Variants in ZFAT observed in about 807,000 individuals in gnomAD.
The protein encoded by ZFAT is zinc finger protein ZFAT.
ZFAT carries 64 observed loss-of-function variants against 117.7 expected under a neutral mutation model. The observed-to-expected ratio is 0.54, with a 90% CI of 0.44 to 0.67. The LOEUF (loss-of-function observed/expected upper bound fraction) is 0.67. Among genes scored for constraint, ZFAT ranks in the 30% least tolerant of loss-of-function variants. The pLI is 0.00. For missense variants in ZFAT, 1,433 were observed against 1,584.5 expected, an observed-to-expected ratio of 0.90 and a Z score of 1.62; for synonymous variants, 679 against 615.0, an observed-to-expected ratio of 1.10 and a Z score of -1.54.
the ZFAT span, among the ~76,000 whole-genome samples, chr8:134,746,877 A>G: frequency 6.6e-6 from 1 of 152,230 alleles, no homozygotes; most frequent in African/African-American, 2.4e-5. Flanking sequence ...ATTGAGCTAT[A>G]ATATGTCTGC....
rs138643115 is a variant in ZFAT at position 134,621,476 on chromosome 8, T to C, written c.449-10821A>G. On this transcript the variant is annotated intron_variant, in intron 3 of 15. Coordinates refer to ENST00000377838, the MANE Select transcript of ZFAT (RefSeq NM_020863.4). ...TGGCATGTGTTTTTAACCAGTCTTT[T>C]AAGGGTTCACTTTTTTTCCAAGGCT... 7.0e-3 allele frequency among the ~76,000 whole-genome samples: 1,059 copies of C among 152,298 alleles called. 4 individuals carry two copies. Among genetic ancestry groups the C allele is most frequent in the Non-Finnish European group, 0.011 (723 of 68,026 alleles).
intron 15 of ZFAT, among the ~76,000 whole-genome samples, chr8:134,507,582 C>T (rs1370435389): frequency 1.3e-5 from 2 of 152,208 alleles, no homozygotes; most frequent in South Asian, 2.1e-4. Flanking sequence ...CCCGCAAACA[C>T]ATTTAGCTTG....
the ZFAT span, among the ~76,000 whole-genome samples, chr8:134,758,370 G>C: frequency 6.6e-6 from 1 of 152,176 alleles, no homozygotes. Flanking sequence ...AAAACACTTG[G>C]GTTCAACTCT....
the ZFAT span, among the ~76,000 whole-genome samples, chr8:134,760,411 T>C: frequency 6.6e-6 from 1 of 152,052 alleles, no homozygotes; most frequent in South Asian, 2.1e-4. Context: ...AACAATTCTA[T>C]TGGCAGGCCC....
At chr8:134,483,557 G>A (rs909354607) in intron 15 of ZFAT, among the ~76,000 whole-genome samples, 2 of 152,146 alleles carry the variant, frequency 1.3e-5, no homozygotes, top group African/African-American at 4.8e-5. Context: ...GCTTAAAATT[G>A]TTCTTCACCA....
In ZFAT at chr8:134,659,418, C is replaced by A. The variant is rs1375974466; in HGVS notation, c.20-1681G>T. Among the ~76,000 whole-genome samples the A allele has an allele frequency of 3.3e-5, 5 of 152,152 alleles. No individual in the cohort carries two copies. In the East Asian group the frequency reaches 9.6e-4, roughly 29 times the overall value. ...ATATCTCTGATATTGTCTGGAATTG[C>A]TGGTTCATGGAGATACTAAAAGCAG... On this transcript the variant is annotated intron_variant, in intron 1 of 15. Transcript: ENST00000377838.
the ZFAT span, among the ~76,000 whole-genome samples, chr8:134,764,044 G>A: frequency 6.6e-6 from 1 of 152,162 alleles, no homozygotes; most frequent in Non-Finnish European, 1.5e-5. Context: ...AATCCCCAAG[G>A]CCCTTGCCAG....
intron 11 of ZFAT, among the ~76,000 whole-genome samples, chr8:134,546,257 A>G (rs1483139075): frequency 1.3e-5 from 2 of 152,230 alleles, no homozygotes; most frequent in African/African-American, 2.4e-5. Flanking sequence ...TGCCAAGCTT[A>G]AATCAAGTTA....
Position 134,657,547 on chromosome 8 carries a change from C to G in ZFAT, c.196+14G>C, listed in dbSNP as rs758862165. The G allele has an allele frequency of 6.2e-7, 1 of 1,602,478 alleles. No individual in the cohort carries two copies. The highest frequency in any genetic ancestry group is 8.5e-7 in the Non-Finnish European group (1 of 1,171,732). ...TGTCAGAAGGTATCCTGCCCCACCCCCCAGCCCCCTTACCATCTCCGGTTT... is the reference window on the plus strand; with the variant it reads ...TGTCAGAAGGTATCCTGCCCCACCCGCCAGCCCCCTTACCATCTCCGGTTT... On this transcript the variant is annotated intron_variant, in intron 2 of 15. Transcript: ENST00000377838.
intron 7 of ZFAT, among the ~76,000 whole-genome samples, chr8:134,590,643 T>TCAC (rs150172744): frequency 6.8e-6 from 1 of 147,798 alleles, no homozygotes; most frequent in African/African-American, 2.5e-5. Flanking sequence ...TCAATAGTCA[T>TCAC]CACCACCACC....
chr8:134,817,058 T>C, the ZFAT span, among the ~76,000 whole-genome samples: 33 of 151,996 alleles, frequency 2.2e-4, no homozygotes, highest in Non-Finnish European at 2.9e-5. Context: ...ATGATATTAA[T>C]AGTTAATTTA....
rs566189845 is a variant in ZFAT at position 134,587,458 on chromosome 8, T to C, written c.2713+788A>G. On this transcript the variant is annotated intron_variant, in intron 9 of 15. Coordinates refer to ENST00000377838, the MANE Select transcript of ZFAT (RefSeq NM_020863.4). ...AAATAGGTCATTTTATCCCATATTA[T>C]AGAAAATACTTCATCCTTCATCCCC... 1.3e-4 allele frequency among the ~76,000 whole-genome samples: 20 copies of C among 152,174 alleles called. No individual in the cohort carries two copies. The East Asian group carries it at 3.8e-3, about 29-fold the overall frequency.
Position 134,478,871 on chromosome 8 carries a change from C to T in ZFAT, c.3493-150G>A, listed in dbSNP as rs1000315841. On this transcript the variant is annotated intron_variant, in intron 15 of 15. Transcript: ENST00000377838. This position sits in a 1 kb window ranked among gnomAD's most constrained non-coding sequence, Gnocchi z 5.2. Reference sequence around the variant, plus strand: ...TCCTCTCTACCAGGCTGTGCTTGCTCTCATGCCCATTTTACAGCTGAACAG... The same window carrying T: ...TCCTCTCTACCAGGCTGTGCTTGCTTTCATGCCCATTTTACAGCTGAACAG... 1.6e-6 allele frequency: 2 copies of T among 1,260,008 alleles called. No individual in the cohort carries two copies. The highest frequency in any genetic ancestry group is 2.2e-6 in the Non-Finnish European group (2 of 928,180). The allele number at this position is 1,260,008 out of a possible 1,614,324, so 78.1% of individuals were successfully genotyped here. A position where few individuals can be genotyped will look rare whatever the true frequency, so the allele number is the denominator to read the frequency against.
chr8:134,633,972 G>A (rs1830048673), intron 3 of ZFAT, among the ~76,000 whole-genome samples: 1 of 152,150 alleles, frequency 6.6e-6, no homozygotes, highest in African/African-American at 2.4e-5. Flanking sequence ...CTTGAACCTG[G>A]GAGGCAGAGG....
chr8:134,615,850 G>A lies in ZFAT; in HGVS notation c.449-5195C>T, dbSNP rs149207713. 8.5e-5 allele frequency among the ~76,000 whole-genome samples: 13 copies of A among 152,336 alleles called. No homozygotes were observed. The East Asian group carries it at 1.3e-3, about 16-fold the overall frequency. On this transcript the variant is annotated intron_variant, in intron 3 of 15. Transcript: ENST00000377838. ...TTCAGGCACCATGGTGCCAGGCACC[G>A]CACTGAACAGCCTTGAAAATGGTTC...
At chr8:134,760,616 A>C in the ZFAT span, among the ~76,000 whole-genome samples, 1 of 152,214 alleles carries the variant, frequency 6.6e-6, no homozygotes, top group Non-Finnish European at 1.5e-5. Context: ...CACAATGTGC[A>C]AAGCAGTACT....
chr8:134,572,739 T>C (rs1279096547), intron 10 of ZFAT, among the ~76,000 whole-genome samples: 3 of 152,170 alleles, frequency 2.0e-5, no homozygotes, highest in African/African-American at 7.2e-5. Flanking sequence ...CATACCACTT[T>C]TTGGAGAAAC....
chr8:134,813,186 T>A, the ZFAT span, among the ~76,000 whole-genome samples: 3 of 152,174 alleles, frequency 2.0e-5, no homozygotes, highest in African/African-American at 7.2e-5. Flanking sequence ...AAAATAAAGA[T>A]GAGAAAACAA....
intron 3 of ZFAT, among the ~76,000 whole-genome samples, chr8:134,631,723 GC>G (rs1434603226): frequency 1.3e-5 from 2 of 152,172 alleles, no homozygotes; most frequent in African/African-American, 4.8e-5. Flanking sequence ...GTGAGCACAG[GC>G]CATACTTGTG....
Sources: gnomAD v4.1 joint callset for allele counts (sites outside exome capture counted in the v4.1 genomes callset) on GRCh38, gnomAD v4.1.1 for gene constraint, Gnocchi (gnomAD v3.1) non-coding constraint, MANE v1.5 for transcripts, NCBI Gene and HGNC (gene_info 2026-07-23, HGNC 2026-07-21) for gene names.